The following ZNF81 variants were observed in gnomAD, a reference collection of about 807,000 sequenced individuals.
ZNF81 encodes the protein zinc finger protein 81.
A neutral mutation model predicts 32.3 loss-of-function variants in ZNF81; 5 were observed. That is an observed-to-expected ratio of 0.15 (90% CI 0.08 to 0.33). The LOEUF (loss-of-function observed/expected upper bound fraction) is 0.33. Among genes scored for constraint, ZNF81 ranks in the 10% least tolerant of loss-of-function variants. The pLI is 1.00. For missense variants in ZNF81, 379 were observed against 479.8 expected, an observed-to-expected ratio of 0.79 and a Z score of 1.96; for synonymous variants, 163 against 166.8, an observed-to-expected ratio of 0.98 and a Z score of 0.17.
At chrX:47,908,319 A>G (rs1556889409) in intron 4 of ZNF81, among the ~76,000 whole-genome samples, 1 of 111,659 alleles carries the variant, frequency 9.0e-6, no homozygotes, top group Non-Finnish European at 1.9e-5. Context: ...AATTAAAACC[A>G]CAATGTGGCA....
chrX:47,919,462 T>C lies in ZNF81; in HGVS notation c.*2830T>C. On this transcript the variant is annotated 3_prime_UTR_variant, in exon 5 of 5. Transcript: ENST00000338637. The stretch of plus-strand genomic sequence containing the variant: ...TCTGCTGAAATTCCCCATCTTTTCA[T>C]GCATGTTCATGTTTTCCCCTTTACC... The C allele has an allele frequency of 4.9e-6, 1 of 203,437 alleles. No homozygotes were observed. Among genetic ancestry groups the C allele is most frequent in the Non-Finnish European group, 9.2e-6 (1 of 108,161 alleles). 16.8% of individuals were successfully genotyped at this position (203,437 alleles called of 1,213,427 possible).
intron 1 of ZNF81, chrX:47,841,134 A>G: frequency 1.2e-6 from 1 of 838,973 alleles, no homozygotes; most frequent in South Asian, 2.0e-5. Flanking sequence ...AGGCAATTTC[A>G]TGAATGAGGT....
intron 2 of ZNF81, among the ~76,000 whole-genome samples, chrX:47,864,854 G>C (rs1302822447): frequency 3.6e-5 from 4 of 112,543 alleles, no homozygotes; most frequent in Admixed American, 2.8e-4. Context: ...TCAGTCTGTA[G>C]TCTTCCAAGT....
At chrX:47,859,674 C>T (rs1336933180) in intron 2 of ZNF81, among the ~76,000 whole-genome samples, 1 of 111,911 alleles carries the variant, frequency 8.9e-6, no homozygotes, top group East Asian at 2.8e-4. Flanking sequence ...TAATGTTAGC[C>T]TGCGACAGTG....
intron 3 of ZNF81, among the ~76,000 whole-genome samples, chrX:47,893,788 C>CT (rs1174228593): frequency 4.1e-5 from 3 of 72,876 alleles, no homozygotes; most frequent in African/African-American, 1.5e-4. Flanking sequence ...GAGTGAGACT[C>CT]TGTCTCAAAA....
chrX:47,847,289 A>G (rs893287776), intron 2 of ZNF81, among the ~76,000 whole-genome samples: 11 of 111,305 alleles, frequency 9.9e-5, no homozygotes, highest in Non-Finnish European at 1.5e-4. Context: ...ATCATAGCTT[A>G]CTGCAACCTC....
At chrX:47,855,155 AAAAT>A (rs60275425) in intron 2 of ZNF81, among the ~76,000 whole-genome samples, 39,803 of 106,049 alleles carry the variant, frequency 0.38, 6,361 homozygotes, top group East Asian at 0.61. Flanking sequence ...AACAATCAAA[AAAAT>A]AAATAAATTA....
At chrX:47,885,152 T>C (rs1275101828) in intron 2 of ZNF81, among the ~76,000 whole-genome samples, 6 of 112,453 alleles carry the variant, frequency 5.3e-5, no homozygotes, top group African/African-American at 1.9e-4. Context: ...AAGTGGTCAC[T>C]TGAATCACCA....
At chrX:47,849,363 A>C (rs782705239) in intron 2 of ZNF81, among the ~76,000 whole-genome samples, 1 of 111,651 alleles carries the variant, frequency 9.0e-6, no homozygotes, top group South Asian at 3.7e-4. Context: ...TATGATAATC[A>C]CTTCCTTTAA....
At chrX:47,906,294 A>T (rs1196279069) in intron 4 of ZNF81, among the ~76,000 whole-genome samples, 2 of 87,996 alleles carry the variant, frequency 2.3e-5, no homozygotes, top group African/African-American at 8.0e-5. Context: ...TAGAATCCCA[A>T]ATCCACTAGG....
intron 4 of ZNF81, 74 bp downstream of exon 4, chrX:47,896,014 A>G: frequency 1.3e-6 from 1 of 779,553 alleles, no homozygotes; most frequent in Non-Finnish European, 1.9e-6. Flanking sequence ...CGATGCCTTT[A>G]AAATGCTGTT....
chrX:47,924,309 A>G lies in ZNF81; in HGVS notation c.*7677A>G, dbSNP rs782546396. On this transcript the variant is annotated 3_prime_UTR_variant, in exon 5 of 5. Coordinates refer to ENST00000338637, the MANE Select transcript of ZNF81 (RefSeq NM_007137.5). ...GAGTGATGTTATTAAGAAGTCTTAG[A>G]CAAACTTGCTCTCTTTTTTCTTGTA... is the stretch of plus-strand genomic sequence containing the variant. Among the ~76,000 whole-genome samples, 2 of 112,103 alleles carry G rather than the reference A, an allele frequency of 1.8e-5. No homozygotes were observed. Among genetic ancestry groups the G allele is most frequent in the East Asian group, 5.6e-4 (2 of 3,584 alleles).
intron 2 of ZNF81, among the ~76,000 whole-genome samples, chrX:47,855,844 T>G (rs1285599788): frequency 9.2e-6 from 1 of 108,648 alleles, no homozygotes; most frequent in Non-Finnish European, 1.9e-5. Flanking sequence ...AGGTCAGGAG[T>G]TTGAGACCAG....
intron 2 of ZNF81, among the ~76,000 whole-genome samples, chrX:47,879,766 G>A (rs782509414): frequency 3.3e-4 from 37 of 112,165 alleles, no homozygotes; most frequent in African/African-American, 1.1e-3. Flanking sequence ...AAAAAAGGCA[G>A]TCAGTGAGTC....
intron 2 of ZNF81, among the ~76,000 whole-genome samples, chrX:47,859,501 A>G (rs782493689): frequency 1.8e-5 from 2 of 111,702 alleles, no homozygotes; most frequent in Non-Finnish European, 3.8e-5. Flanking sequence ...AGACATTCAT[A>G]TCTGTATTGA....
chrX:47,868,290 C>T (rs1556883480), intron 2 of ZNF81, among the ~76,000 whole-genome samples: 1 of 111,576 alleles, frequency 9.0e-6, no homozygotes, highest in Non-Finnish European at 1.9e-5. Flanking sequence ...TCTTCAGTCT[C>T]TATCTGTGAC....
rs1436408068 is a variant in ZNF81, at chrX:47,924,212, T to C, written c.*7580T>C. Reference sequence around the variant, plus strand: ...CCTTATTCCATAATGCTCATAGTTATTATGCTTCCCTGATTGACATATTTA... The same window carrying C: ...CCTTATTCCATAATGCTCATAGTTACTATGCTTCCCTGATTGACATATTTA... On this transcript the variant is annotated 3_prime_UTR_variant, in exon 5 of 5. Transcript: ENST00000338637. Among the ~76,000 whole-genome samples, 1 of 112,436 alleles carries C rather than the reference T, an allele frequency of 8.9e-6. No individual in the cohort carries two copies. Among genetic ancestry groups the C allele is most frequent in the African/African-American group, 3.2e-5 (1 of 30,944 alleles).
chrX:47,885,026 G>C (rs2058636139), intron 2 of ZNF81, among the ~76,000 whole-genome samples: 1 of 111,712 alleles, frequency 9.0e-6, no homozygotes, highest in Admixed American at 9.5e-5. Flanking sequence ...CCTAGGCCTC[G>C]AGACCTAATC....
At chrX:47,899,505 TA>T (rs1442177699) in intron 4 of ZNF81, among the ~76,000 whole-genome samples, 7 of 111,006 alleles carry the variant, frequency 6.3e-5, no homozygotes, top group Non-Finnish European at 1.1e-4. Context: ...TACTTACTGA[TA>T]TTTGACTTAA....
Sources: gnomAD v4.1 joint callset for allele counts (sites outside exome capture counted in the v4.1 genomes callset) on GRCh38, gnomAD v4.1.1 for gene constraint, MANE v1.5 for transcripts, NCBI Gene and HGNC (gene_info 2026-07-23, HGNC 2026-07-21) for gene names.